Variants in ALKBH8 observed in about 807,000 individuals in gnomAD.
ALKBH8 encodes alkB homolog 8, tRNA methyltransferase.
A neutral mutation model predicts 59.8 loss-of-function variants in ALKBH8; 36 were observed. The ratio of observed to expected loss-of-function variants is 0.60; its 90% CI spans 0.46 to 0.79. The LOEUF (loss-of-function observed/expected upper bound fraction) is 0.79, where lower values mean the gene tolerates loss of function less well. ALKBH8 is among the 30% of genes least tolerant of loss of function. ALKBH8 has a pLI of 0.00. For missense variants in ALKBH8, 768 were observed against 801.0 expected (o/e 0.96, Z 0.50); for synonymous variants, 276 against 273.6 (o/e 1.01, Z -0.09).
In ALKBH8 at chr11:107,513,034, A is replaced by C. The variant is rs546450217; in HGVS notation, c.1288-1998T>G. ...GACAACAAAAACAACTGCCACAAAA[A>C]CAAAAATTGACAAATGGGACCTAAT... On this transcript the variant is annotated intron_variant, in intron 10 of 11. Transcript: ENST00000428149. 7.7e-4 allele frequency among the ~76,000 whole-genome samples: 118 copies of C among 152,296 alleles called. 1 individual carries two copies. The highest frequency in any genetic ancestry group is 2.7e-3 in the African/African-American group (111 of 41,562).
At chr11:107,563,584 C>CAA (rs1865020203) in intron 1 of ALKBH8, 1 of 152,072 alleles carries the variant, frequency 6.6e-6, no homozygotes, top group Admixed American at 6.6e-5. Flanking sequence ...AATGGCTTAA[C>CAA]AAAACAAAGA....
At chr11:107,514,652 T>A (rs780146487) in intron 10 of ALKBH8, among the ~76,000 whole-genome samples, 6 of 152,180 alleles carry the variant, frequency 3.9e-5, no homozygotes, top group Non-Finnish European at 8.8e-5. Context: ...ACAGTCAGAA[T>A]ATCAAGATGA....
At position 107,565,441 on chromosome 11, in the gene ALKBH8, C is replaced by T; in HGVS notation, c.-7+160G>A. 3 of 937,260 alleles carry T rather than the reference C, an allele frequency of 3.2e-6. No individual in the cohort carries two copies. In the South Asian group the frequency reaches 4.9e-5, roughly 15 times the overall value. 58.1% of individuals were successfully genotyped at this position (937,260 alleles called of 1,614,324 possible). ...TGAGAGAACCACCCAACGCAGACAC[C>T]CTACTGCCCACACTGCACCAAGGGC... is the stretch of plus-strand genomic sequence containing the variant. On this transcript the variant is annotated intron_variant, in intron 1 of 11. Coordinates refer to ENST00000428149, the MANE Select transcript of ALKBH8 (RefSeq NM_138775.3).
chr11:107,546,328 G>A (rs1379296119), intron 7 of ALKBH8, among the ~76,000 whole-genome samples: 1 of 152,168 alleles, frequency 6.6e-6, no homozygotes, highest in East Asian at 1.9e-4. Flanking sequence ...TATCATAAAA[G>A]GTTATAGCAA....
chr11:107,537,628 GGAT>G (rs1252830777), intron 7 of ALKBH8, among the ~76,000 whole-genome samples: 1 of 151,840 alleles, frequency 6.6e-6, no homozygotes, highest in South Asian at 2.1e-4. Flanking sequence ...CTAGGTGATG[GGAT>G]GATCTGTGCA....
intron 3 of ALKBH8, 113 bp downstream of exon 3, chr11:107,556,653 C>G: frequency 1.5e-6 from 1 of 664,534 alleles, no homozygotes; most frequent in Non-Finnish European, 2.3e-6. Flanking sequence ...GTAAAAGGAG[C>G]TGCTAACCTG....
intron 7 of ALKBH8, among the ~76,000 whole-genome samples, chr11:107,540,759 AT>A (rs1192498675): frequency 3.3e-5 from 5 of 152,206 alleles, no homozygotes; most frequent in African/African-American, 1.2e-4. Context: ...CTTCGATAAA[AT>A]TAAGTTTTAC....
intron 11 of ALKBH8, among the ~76,000 whole-genome samples, chr11:107,510,471 T>C (rs1422551840): frequency 1.3e-5 from 2 of 151,604 alleles, no homozygotes; most frequent in Non-Finnish European, 2.9e-5. Context: ...GGGATAAAAC[T>C]ATGGGTTGAG....
intron 1 of ALKBH8, among the ~76,000 whole-genome samples, chr11:107,561,920 A>G (rs996656408): frequency 2.6e-5 from 4 of 152,268 alleles, no homozygotes; most frequent in African/African-American, 9.6e-5. Flanking sequence ...TGTGGAAAAC[A>G]AACACTAAAC....
chr11:107,564,937 C>T (rs1350612673), intron 1 of ALKBH8, among the ~76,000 whole-genome samples: 1 of 152,172 alleles, frequency 6.6e-6, no homozygotes, highest in South Asian at 2.1e-4. Context: ...CCTCCTAAAC[C>T]TCCCCTCCTC....
In ALKBH8 at chr11:107,541,334, G is replaced by A. The variant is rs145382848; in HGVS notation, c.771+8419C>T. On this transcript the variant is annotated intron_variant, in intron 7 of 11. Transcript: ENST00000428149. Reference sequence around the variant, plus strand: ...ATTTAAGACAGAAAGCACCGAAATTGTCTCCATAGTCAATTAAAAGTTACT... The same window carrying A: ...ATTTAAGACAGAAAGCACCGAAATTATCTCCATAGTCAATTAAAAGTTACT... Among the ~76,000 whole-genome samples, 7 of 152,276 alleles carry A rather than the reference G, an allele frequency of 4.6e-5. 1 individual carries two copies. The highest frequency in any genetic ancestry group is 1.7e-4 in the African/African-American group (7 of 41,568).
At chr11:107,564,174 C>T (rs944868213) in intron 1 of ALKBH8, among the ~76,000 whole-genome samples, 1 of 152,144 alleles carries the variant, frequency 6.6e-6, no homozygotes, top group African/African-American at 2.4e-5. Context: ...TAAGCGTACT[C>T]TCTGTGGGAT....
chr11:107,532,365 T>G lies in ALKBH8; in HGVS notation c.813A>C (p.Pro271=), dbSNP rs781527665. The G allele has an allele frequency of 6.2e-6, 10 of 1,613,654 alleles. No individual in the cohort carries two copies. Among genetic ancestry groups the G allele is most frequent in the Non-Finnish European group, 8.5e-6 (10 of 1,179,742 alleles). The change falls in exon 8 of 12, where the codon CCA becomes CCC. Residue 271 remains proline (P), a synonymous_variant. Transcript: ENST00000428149. The part of the protein sequence containing the change: ...DFKHPDGIAV[P]VMLPRRSLLV... ...GCAAACTCCGACGAGGCAACATAAC[T>G]GGCACTGCAATGCCATCTGGGTGCT...
At position 107,551,926 on chromosome 11, in the gene ALKBH8, T is replaced by A; in HGVS notation, c.596-14A>T. On this transcript the variant is annotated splice_polypyrimidine_tract_variant and intron_variant, in intron 5 of 11. Transcript: ENST00000428149. ...TGTCAGGAAGACCTACAATGAGTAA[T>A]CATAAAGACAAAACATTAAAATATT... The A allele has an allele frequency of 7.2e-7, 1 of 1,387,068 alleles. No homozygotes were observed. Among genetic ancestry groups the A allele is most frequent in the Non-Finnish European group, 9.6e-7 (1 of 1,041,346 alleles). 85.9% of individuals were successfully genotyped at this position (1,387,068 alleles called of 1,614,324 possible). A position where few individuals can be genotyped will look rare whatever the true frequency, so the allele number is the denominator to read the frequency against.
rs945256405 is a variant in ALKBH8, at chr11:107,565,494, G to A, written c.-7+107C>T. 5.4e-6 allele frequency: 8 copies of A among 1,493,656 alleles called. No individual in the cohort carries two copies. The African/African-American group carries it at 6.9e-5, about 13-fold the overall frequency. The allele number at this position is 1,493,656 out of a possible 1,614,324, so 92.5% of individuals were successfully genotyped here. A position where few individuals can be genotyped will look rare whatever the true frequency, so the allele number is the denominator to read the frequency against. ...CTCTGGGATCCATCCCCTTTCCCTA[G>A]GTTCTCAGCCCTAGCTGGCAAGGCG... is the stretch of plus-strand genomic sequence containing the variant. On this transcript the variant is annotated intron_variant, in intron 1 of 11. Coordinates refer to ENST00000428149, the MANE Select transcript of ALKBH8 (RefSeq NM_138775.3).
At position 107,525,561 on chromosome 11, in the gene ALKBH8, C is replaced by T. The variant is rs887540180; in HGVS notation, c.910G>A (p.Ala304Thr). Residue 304 changes from alanine (A) to threonine (T), a missense_variant, in exon 9 of 12, where the codon GCA becomes ACA. Physicochemically the swap from Ala to Thr is moderately conservative, Grantham distance 58. Coordinates refer to ENST00000428149, the MANE Select transcript of ALKBH8 (RefSeq NM_138775.3). Reference protein sequence around the residue: ...ITCRKFDTVQASESLKSGIIT... With the variant: ...ITCRKFDTVQTSESLKSGIIT... ...ATTCCACTTTTAAGACTCTCAGATGCTTGAACAGTATCAAATTTTCTGCAC... is the reference window on the plus strand; with the variant it reads ...ATTCCACTTTTAAGACTCTCAGATGTTTGAACAGTATCAAATTTTCTGCAC... The T allele has an allele frequency of 4.7e-6, 7 of 1,490,502 alleles. No individual in the cohort carries two copies. The highest frequency in any genetic ancestry group is 6.2e-6 in the Non-Finnish European group (7 of 1,122,690). 92.3% of individuals were successfully genotyped at this position (1,490,502 alleles called of 1,614,324 possible).
chr11:107,515,274 A>G (rs1217250087), intron 10 of ALKBH8, among the ~76,000 whole-genome samples: 1 of 152,228 alleles, frequency 6.6e-6, no homozygotes. Flanking sequence ...AAACCCACAT[A>G]TATTCAAGGA....
rs969048946 is a variant in ALKBH8 at position 107,504,155 on chromosome 11, T to C, written c.*503A>G. On this transcript the variant is annotated 3_prime_UTR_variant, in exon 12 of 12. Transcript: ENST00000428149. ...TATTATCTGATTGACTAAACGTTAT[T>C]GGACACCCGCTATACGTCCAGCCCT... is the stretch of plus-strand genomic sequence containing the variant. The C allele has an allele frequency of 1.4e-5, 3 of 220,580 alleles. No homozygotes were observed. The highest frequency in any genetic ancestry group is 2.6e-5 in the Non-Finnish European group (3 of 114,314). 13.7% of individuals were successfully genotyped at this position (220,580 alleles called of 1,614,324 possible). A position where few individuals can be genotyped will look rare whatever the true frequency, so the allele number is the denominator to read the frequency against.
intron 6 of ALKBH8, 46 bp from the exon 7 acceptor site, chr11:107,549,869 G>A: frequency 7.4e-7 from 1 of 1,346,656 alleles, no homozygotes; most frequent in Non-Finnish European, 1.0e-6. Context: ...TTTTCCTTTA[G>A]TAGATTTAAG....
Sources: gnomAD v4.1 joint callset for allele counts (sites outside exome capture counted in the v4.1 genomes callset) on GRCh38, gnomAD v4.1.1 for gene constraint, MANE v1.5 for transcripts, NCBI Gene and HGNC (gene_info 2026-07-23, HGNC 2026-07-21) for gene names.